ZNF644: variants seen among roughly 807,000 people sequenced by gnomAD.
ZNF644 encodes zinc finger motif enhancer binding protein 2.
Under a neutral mutation model 108.0 loss-of-function variants are expected in ZNF644, and 20 were observed. The ratio of observed to expected loss-of-function variants is 0.19; its 90% CI spans 0.13 to 0.27. ZNF644 has a LOEUF of 0.27. Ranked by LOEUF, ZNF644 falls within the 10% of genes least tolerant of loss-of-function variation. The pLI is 1.00. For synonymous variants in ZNF644, 542 were observed against 539.1 expected (o/e 1.01, Z -0.08); for missense variants, 1,338 against 1,548.9 (o/e 0.86, Z 2.29).
intron 2 of ZNF644, among the ~76,000 whole-genome samples, chr1:90,981,203 C>T (rs866018146): frequency 1.3e-5 from 2 of 151,908 alleles, no homozygotes; most frequent in South Asian, 4.2e-4. Flanking sequence ...ATAAATGCTA[C>T]AGAAGTAAAT....
intron 2 of ZNF644, among the ~76,000 whole-genome samples, chr1:90,970,490 G>C (rs867669241): frequency 1.3e-5 from 2 of 152,130 alleles, no homozygotes; most frequent in Non-Finnish European, 2.9e-5. Flanking sequence ...TGTATTTGTA[G>C]CCAAAACAAT....
chr1:90,973,994 TCTGA>T (rs1230602042), intron 2 of ZNF644, among the ~76,000 whole-genome samples: 3 of 152,156 alleles, frequency 2.0e-5, no homozygotes, highest in African/African-American at 7.2e-5. Flanking sequence ...AAAGTCATTC[TCTGA>T]CTTTCTCTCC....
At position 90,941,368 on chromosome 1, in the gene ZNF644, T is replaced by C. The variant is rs926698418; in HGVS notation, c.45-59A>G. On this transcript the variant is annotated intron_variant, in intron 2 of 5. Coordinates refer to ENST00000337393, the MANE Select transcript of ZNF644 (RefSeq NM_201269.3). ...TGAAAGAAAAAATACTATTAGAATG[T>C]ATGGAGAGTTGAAAGTACATATTTT... 3.5e-6 allele frequency: 5 copies of C among 1,440,284 alleles called. No individual in the cohort carries two copies. The South Asian group carries it at 5.0e-5, about 14-fold the overall frequency. 89.2% of individuals were successfully genotyped at this position (1,440,284 alleles called of 1,614,324 possible). A position where few individuals can be genotyped will look rare whatever the true frequency, so the allele number is the denominator to read the frequency against.
rs541940756 is a variant in ZNF644, at chr1:90,960,430, A to G, written c.45-19121T>C. Among the ~76,000 whole-genome samples the G allele has an allele frequency of 4.1e-4, 63 of 152,274 alleles. 2 individuals carry two copies. The highest frequency in any genetic ancestry group is 1.2e-3 in the Admixed American group (18 of 15,284). ...ACAGAAACGTGTCTGACTGACAGCA[A>G]TAAGGTTTGGTACGACCTGCAGTTT... On this transcript the variant is annotated intron_variant, in intron 2 of 5. Transcript: ENST00000337393.
intron 2 of ZNF644, among the ~76,000 whole-genome samples, chr1:90,978,352 T>TAAAA (rs59090395): frequency 7.5e-6 from 1 of 133,832 alleles, no homozygotes. Flanking sequence ...AACTTTGTCT[T>TAAAA]AAAAAAAAAA....
At chr1:90,974,407 T>C (rs1323978685) in intron 2 of ZNF644, among the ~76,000 whole-genome samples, 3 of 152,164 alleles carry the variant, frequency 2.0e-5, no homozygotes, top group Non-Finnish European at 4.4e-5. Flanking sequence ...AGGTCTCATA[T>C]CTAACTGCCA....
Position 90,941,276 on chromosome 1 carries a change from C to T in ZNF644, c.78G>A (p.Met26Ile), listed in dbSNP as rs768657457. 1 of 1,597,784 alleles carries T rather than the reference C, an allele frequency of 6.3e-7. No individual in the cohort carries two copies. The highest frequency in any genetic ancestry group is 2.2e-5 in the East Asian group (1 of 44,808). The change falls in exon 3 of 6, where the codon ATG becomes ATA. Residue 26 changes from methionine (M) to isoleucine (I), a missense_variant. Met to Ile is a conservative substitution (Grantham distance 10). Transcript: ENST00000337393. ...LNVLNGLANN[M>I]DDLKINTDIT... is the part of the protein sequence containing the mutation. Reference sequence around the variant, plus strand: ...TATCGGTGTTTATCTTCAAATCATCCATATTGTTGGCAAGCCCATTTAACA... The same window carrying T: ...TATCGGTGTTTATCTTCAAATCATCTATATTGTTGGCAAGCCCATTTAACA...
At chr1:90,930,986 TTTACC>T (rs1481916996) in intron 4 of ZNF644, among the ~76,000 whole-genome samples, 1 of 152,190 alleles carries the variant, frequency 6.6e-6, no homozygotes, top group Admixed American at 6.5e-5. Flanking sequence ...TAGAATATGC[TTTACC>T]TTAATTTTAA....
At chr1:90,946,246 G>A (rs1652508021) in intron 2 of ZNF644, among the ~76,000 whole-genome samples, 1 of 152,060 alleles carries the variant, frequency 6.6e-6, no homozygotes, top group East Asian at 1.9e-4. Context: ...AAGACAGAAT[G>A]TATCATCCAG....
rs373494606 is a variant in ZNF644, at chr1:90,916,899, G to T, written c.3883C>A (p.Arg1295=). ...ACTTCCACCATGCCAGCTCCAGTCC[G>T]TGGAAGATTAGCGTTTACAATATGT... is the stretch of plus-strand genomic sequence containing the variant. ...QRHIVNANLP[R]TGAGMVEVTS... Residue 1295 remains arginine (R), a synonymous_variant, in exon 6 of 6, where the codon CGG becomes AGG. Transcript: ENST00000337393. 1.6e-4 allele frequency: 253 copies of T among 1,614,050 alleles called. No homozygotes were observed. The highest frequency in any genetic ancestry group is 2.1e-4 in the Non-Finnish European group (244 of 1,180,046).
chr1:90,943,508 G>A (rs1281858419), intron 2 of ZNF644, among the ~76,000 whole-genome samples: 1 of 152,038 alleles, frequency 6.6e-6, no homozygotes, highest in East Asian at 1.9e-4. Flanking sequence ...CTTAGAACAA[G>A]CACTTATAAT....
chr1:90,964,506 T>C (rs571409341), intron 2 of ZNF644, among the ~76,000 whole-genome samples: 9 of 152,286 alleles, frequency 5.9e-5, no homozygotes, highest in Non-Finnish European at 1.0e-4. Context: ...CCAATTAATA[T>C]TTTATTTACA....
In ZNF644 at chr1:90,976,021, C is replaced by G. The variant is rs1194415150; in HGVS notation, c.44+6289G>C. ...AAGGAAACAGTTCAAATAATAAATT[C>G]CTAAGCTGTGGTAAAATGTGAACTT... On this transcript the variant is annotated intron_variant, in intron 2 of 5. Coordinates refer to ENST00000337393, the MANE Select transcript of ZNF644 (RefSeq NM_201269.3). 2.0e-5 allele frequency among the ~76,000 whole-genome samples: 3 copies of G among 152,024 alleles called. No individual in the cohort carries two copies. In the East Asian group the frequency reaches 5.8e-4, roughly 29 times the overall value.
At chr1:91,008,123 C>A (rs1296643138) in intron 1 of ZNF644, among the ~76,000 whole-genome samples, 2 of 152,200 alleles carry the variant, frequency 1.3e-5, no homozygotes, top group Non-Finnish European at 2.9e-5. Context: ...ACTCTCAGAT[C>A]AACATGCAGA....
intron 4 of ZNF644, among the ~76,000 whole-genome samples, chr1:90,932,556 T>C (rs963440423): frequency 6.6e-6 from 1 of 152,320 alleles, no homozygotes; most frequent in Admixed American, 6.5e-5. Context: ...TCACTTATAA[T>C]AACCAAGTGG....
intron 2 of ZNF644, among the ~76,000 whole-genome samples, chr1:90,954,172 T>C (rs774060625): frequency 9.8e-5 from 15 of 152,330 alleles, no homozygotes; most frequent in Middle Eastern, 3.4e-3. Context: ...ATGATGTTGA[T>C]AGCATCTTAC....
At chr1:90,989,522 A>G (rs529666366) in intron 1 of ZNF644, among the ~76,000 whole-genome samples, 1 of 152,314 alleles carries the variant, frequency 6.6e-6, no homozygotes, top group African/African-American at 2.4e-5. Context: ...CAGCCTGGGC[A>G]ATATAGCAAG....
At chr1:91,019,547 A>T (rs1660710458) in intron 1 of ZNF644, among the ~76,000 whole-genome samples, 1 of 152,192 alleles carries the variant, frequency 6.6e-6, no homozygotes, top group South Asian at 2.1e-4. Flanking sequence ...TTTAAAAACC[A>T]AGTTAACCAC....
At chr1:91,001,929 T>C (rs1366437838) in intron 1 of ZNF644, among the ~76,000 whole-genome samples, 4 of 152,172 alleles carry the variant, frequency 2.6e-5, no homozygotes, top group African/African-American at 4.8e-5. Context: ...CCATTCACAA[T>C]TGCTTCAAAG....
Sources: allele counts gnomAD v4.1 joint callset (sites outside exome capture counted in the v4.1 genomes callset), GRCh38; gene constraint gnomAD v4.1.1; transcripts MANE v1.5; gene names NCBI Gene and HGNC (gene_info 2026-07-23, HGNC 2026-07-21).